Variants in PER2 observed in about 807,000 individuals in gnomAD.
The protein encoded by PER2 is period circadian regulator 2.
PER2 carries 66 observed loss-of-function variants against 121.0 expected under a neutral mutation model. That is an observed-to-expected ratio of 0.55 (90% confidence interval 0.45 to 0.67). The LOEUF (loss-of-function observed/expected upper bound fraction) is 0.67, where lower values mean the gene tolerates loss of function less well. Ranked by LOEUF, PER2 falls within the 30% of genes least tolerant of loss-of-function variation. The pLI, the probability that PER2 is intolerant of heterozygous loss-of-function variation, is 0.00. For missense variants in PER2, 1,521 were observed against 1,635.0 expected (o/e 0.93, Z 1.20); for synonymous variants, 684 against 659.9 (o/e 1.04, Z -0.56).
At position 238,252,986 on chromosome 2, in the gene PER2, T is replaced by C. The variant is rs889285985; in HGVS notation, c.3037A>G (p.Thr1013Ala). 6.2e-7 allele frequency: 1 copy of C among 1,613,914 alleles called. No individual in the cohort carries two copies. The highest frequency in any genetic ancestry group is 1.3e-5 in the African/African-American group (1 of 74,940). The change falls in exon 19 of 23, where the codon ACA (threonine) becomes GCA (alanine). Residue 1013 changes from threonine (T) to alanine (A), a missense_variant. Physicochemically the swap from Thr to Ala is moderately conservative, Grantham distance 58. Coordinates refer to ENST00000254657, the MANE Select transcript of PER2 (RefSeq NM_022817.3). The surrounding 1 kb of genome is among the most constrained non-coding windows in gnomAD (Gnocchi z 4.2). ...GTGAMGTTGATETAAVGADCK... is the reference protein window; with the variant it reads ...GTGAMGTTGAAETAAVGADCK... Reference sequence around the variant, plus strand: ...TCCGCCCCTACAGCTGCTGTCTCTGTGGCCCCTGTGGTCCCCATGGCTCCA... The same window carrying C: ...TCCGCCCCTACAGCTGCTGTCTCTGCGGCCCCTGTGGTCCCCATGGCTCCA...
chr2:238,269,000 C>T lies in PER2; in HGVS notation c.773-26G>A. The T allele has an allele frequency of 6.4e-7, 1 of 1,551,050 alleles. No individual in the cohort carries two copies. ...CTAAAAGAGAGAGCCCAAAGTCATT[C>T]ATCCAAACCAACAACTAAATACAGT... On this transcript the variant is annotated intron_variant, in intron 6 of 22. Transcript: ENST00000254657. The surrounding 1 kb of genome is among the most constrained non-coding windows in gnomAD (Gnocchi z 4.0).
Position 238,256,477 on chromosome 2 carries a change from C to T in PER2, c.2065+445G>A, listed in dbSNP as rs1695763054. Among the ~76,000 whole-genome samples, 3 of 152,214 alleles carry T rather than the reference C, an allele frequency of 2.0e-5. No individual in the cohort carries two copies. In the South Asian group the frequency reaches 6.2e-4, roughly 31 times the overall value. ...CTAAAGAACAAGAACACTCAGCCAC[C>T]AATGCGCTCATTGTAAATCTGTTTA... On this transcript the variant is annotated intron_variant, in intron 17 of 22. Transcript: ENST00000254657.
intron 20 of PER2, 130 bp from the exon 21 acceptor site, chr2:238,250,873 G>T: frequency 1.5e-6 from 1 of 688,508 alleles, no homozygotes; most frequent in Non-Finnish European, 2.6e-6. Context: ...TATCTATGCC[G>T]GTGCATGTTC....
At position 238,253,392 on chromosome 2, in the gene PER2, T is replaced by C. The variant is rs140265208; in HGVS notation, c.2631A>G (p.Thr877=). The change falls in exon 19 of 23, where the codon ACA becomes ACG. Residue 877 remains threonine (T), a synonymous_variant. Transcript: ENST00000254657. The surrounding 1 kb of genome is among the most constrained non-coding windows in gnomAD (Gnocchi z 5.6). ...APPAPPHASF[T]VPAVPVDLQH... is the part of the protein sequence containing the mutation. ...GGAGGTCCACGGGCACAGCAGGCAC[T>C]GTGAAGCTGGCGTGGGGAGGTGCCG... is the stretch of plus-strand genomic sequence containing the variant. 23 of 1,610,918 alleles carry C rather than the reference T, an allele frequency of 1.4e-5. No individual in the cohort carries two copies. The African/African-American group carries it at 2.7e-4, about 19-fold the overall frequency.
intron 14 of PER2, among the ~76,000 whole-genome samples, chr2:238,259,196 T>C (rs1373887437): frequency 1.3e-5 from 2 of 152,184 alleles, no homozygotes; most frequent in Admixed American, 6.5e-5. Flanking sequence ...AGGCAGCATG[T>C]CCACCAACAC....
intron 1 of PER2, among the ~76,000 whole-genome samples, chr2:238,279,148 C>T (rs568157420): frequency 6.6e-6 from 1 of 152,204 alleles, no homozygotes; most frequent in African/African-American, 2.4e-5. Context: ...CTCCCCATCC[C>T]CAGGACAGCG....
At position 238,245,414 on chromosome 2, in the gene PER2, T is replaced by C. The variant is rs1695420933; in HGVS notation, c.*961A>G. On this transcript the variant is annotated 3_prime_UTR_variant, in exon 23 of 23. Transcript: ENST00000254657. ...TGAAAATACAGATGCAGTCGCAAGC[T>C]GTCAGACTGAGTGGCAGTGGCTGCT... 1 of 396,174 alleles carries C rather than the reference T, an allele frequency of 2.5e-6. No homozygotes were observed. 24.5% of individuals were successfully genotyped at this position (396,174 alleles called of 1,614,324 possible).
chr2:238,251,546 T>C lies in PER2; in HGVS notation c.3274+53A>G, dbSNP rs907869630. 6 of 1,534,084 alleles carry C rather than the reference T, an allele frequency of 3.9e-6. No homozygotes were observed. The African/African-American group carries it at 5.5e-5, about 14-fold the overall frequency. On this transcript the variant is annotated intron_variant, in intron 20 of 22. Coordinates refer to ENST00000254657, the MANE Select transcript of PER2 (RefSeq NM_022817.3). ...AGGCCGGCCTGTGACTCTGGAGCAG[T>C]GCATCCTGCAGGAACCTCCCAAGTG...
intron 12 of PER2, 184 bp downstream of exon 12, chr2:238,261,545 G>T (rs887786297): frequency 1.6e-6 from 1 of 638,816 alleles, no homozygotes. Flanking sequence ...AGAGAGCCAA[G>T]GGTACTATGG....
In PER2 at chr2:238,275,841, T is replaced by A; in HGVS notation, c.350A>T (p.Glu117Val). ...THKELIKTLK[E>V]LKVHLPADKK... is the part of the protein sequence containing the mutation. ...GTCTGCAGGGAGGTGGACCTTCAGCTCCTTTAGTGTTTTTATCAGTTCTTT... is the reference window on the plus strand; with the variant it reads ...GTCTGCAGGGAGGTGGACCTTCAGCACCTTTAGTGTTTTTATCAGTTCTTT... The change falls in exon 4 of 23, where the codon GAG (glutamate) becomes GTG (valine). Residue 117 changes from glutamate (E) to valine (V), a missense_variant. Coordinates refer to ENST00000254657, the MANE Select transcript of PER2 (RefSeq NM_022817.3). 6.2e-7 allele frequency: 1 copy of A among 1,614,186 alleles called. No homozygotes were observed. The highest frequency in any genetic ancestry group is 1.1e-5 in the South Asian group (1 of 91,088).
upstream of PER2, among the ~76,000 whole-genome samples, chr2:238,294,656 A>G (rs537416428): frequency 1.3e-5 from 2 of 152,354 alleles, no homozygotes; most frequent in South Asian, 4.1e-4. Flanking sequence ...ACGACGCCAA[A>G]GGAATCCTGT....
At position 238,268,202 on chromosome 2, in the gene PER2, CGGA is replaced by C. The variant is rs762309658; in HGVS notation, c.825-7_825-5del. On this transcript the variant is annotated splice_polypyrimidine_tract_variant and splice_region_variant and intron_variant, in intron 7 of 22. Transcript: ENST00000254657. This position sits in a 1 kb window ranked among gnomAD's most constrained non-coding sequence, Gnocchi z 4.0. ...ATTCTCGTGGCTTTTCCGGACACTG[CGGA>C]GAAGAGCCACGCTCTAAGTTGGGAA... is the stretch of plus-strand genomic sequence containing the variant. The C allele has an allele frequency of 1.9e-6, 3 of 1,613,620 alleles. No individual in the cohort carries two copies. The South Asian group carries it at 3.3e-5, about 18-fold the overall frequency.
intron 4 of PER2, among the ~76,000 whole-genome samples, chr2:238,275,139 T>G (rs1292893476): frequency 6.6e-6 from 1 of 152,132 alleles, no homozygotes; most frequent in Non-Finnish European, 1.5e-5. Context: ...GCCTCTCAGA[T>G]TTTTCTATTT....
At chr2:238,275,513 A>AC (rs984858010) in intron 4 of PER2, among the ~76,000 whole-genome samples, 1 of 152,176 alleles carries the variant, frequency 6.6e-6, no homozygotes, top group African/African-American at 2.4e-5. Flanking sequence ...ACATAGTGAG[A>AC]CCCCATCTCT....
chr2:238,265,963 G>C (rs931821372), intron 8 of PER2, among the ~76,000 whole-genome samples: 6 of 151,742 alleles, frequency 4.0e-5, no homozygotes, highest in African/African-American at 1.5e-4. Context: ...CAGTGCAGTG[G>C]CACGATCTCG....
chr2:238,288,654 G>A (rs1291513836), upstream of PER2: 2 of 150,210 alleles, frequency 1.3e-5, no homozygotes, highest in Admixed American at 1.3e-4. Flanking sequence ...CGCCGGCCGC[G>A]CCCGCGTCAG....
Position 238,249,217 on chromosome 2 carries a change from G to GC in PER2, c.3468-6dup. On this transcript the variant is annotated splice_region_variant and splice_polypyrimidine_tract_variant and intron_variant, in intron 21 of 22. Transcript: ENST00000254657. ...TTCAAAACCGCTTCTAAATTTCTTC[G>GC]CAAGATATTTAGAAATCGGTAAGCT... 1.2e-6 allele frequency: 2 copies of GC among 1,612,346 alleles called. No individual in the cohort carries two copies. Among genetic ancestry groups the GC allele is most frequent in the Middle Eastern group, 1.7e-4 (1 of 6,048 alleles).
intron 17 of PER2, 133 bp downstream of exon 17, chr2:238,256,789 T>C (rs1420813528): frequency 1.6e-5 from 15 of 959,818 alleles, no homozygotes; most frequent in Non-Finnish European, 2.4e-5. Context: ...TTTACGTAAC[T>C]GGATTTCCTG....
Position 238,246,604 on chromosome 2 carries a change from C to T in PER2, c.3619-80G>A, listed in dbSNP as rs568966819. 70 of 965,612 alleles carry T rather than the reference C, an allele frequency of 7.2e-5. 2 individuals are homozygous for T. Among genetic ancestry groups the T allele is most frequent in the South Asian group, 6.4e-4 (49 of 76,108 alleles). 59.8% of individuals were successfully genotyped at this position (965,612 alleles called of 1,614,324 possible). On this transcript the variant is annotated intron_variant, in intron 22 of 22. Transcript: ENST00000254657. ...AAAAGTCATTCAAATTGGCCGGGCG[C>T]GGTGGCTCACGCCTGTAATCCCAGC...
Sources: gnomAD v4.1 joint callset for allele counts (sites outside exome capture counted in the v4.1 genomes callset) on GRCh38, gnomAD v4.1.1 for gene constraint, Gnocchi (gnomAD v3.1) non-coding constraint, MANE v1.5 for transcripts, NCBI Gene and HGNC (gene_info 2026-07-23, HGNC 2026-07-21) for gene names.